The following PSMC6 variants were observed in gnomAD, a reference collection of about 807,000 sequenced individuals.
The protein encoded by PSMC6 is proteasome 26S subunit, ATPase 6.
A neutral mutation model predicts 55.9 loss-of-function variants in PSMC6; 3 were observed. The observed-to-expected ratio is 0.05, with a 90% CI of 0.02 to 0.14. The LOEUF (loss-of-function observed/expected upper bound fraction) is 0.14, where lower values mean the gene tolerates loss of function less well. PSMC6 is among the 10% of genes least tolerant of loss of function. PSMC6 has a pLI of 1.00. For synonymous variants in PSMC6, 137 were observed against 155.9 expected, an observed-to-expected ratio of 0.88 and a Z score of 0.90; for missense variants, 210 against 478.7, an observed-to-expected ratio of 0.44 and a Z score of 5.24.
At chr14:52,712,660 TTGC>T (rs549496974) in intron 6 of PSMC6, among the ~76,000 whole-genome samples, 1 of 152,206 alleles carries the variant, frequency 6.6e-6, no homozygotes, top group South Asian at 2.1e-4. Flanking sequence ...TCTGGTTCTT[TTGC>T]CCAGGCTGGA....
chr14:52,727,408 C>A, intron 13 of PSMC6, 91 bp from the exon 14 acceptor site: 1 of 850,948 alleles, frequency 1.2e-6, no homozygotes, highest in Admixed American at 2.8e-5. Context: ...CTAAGCTTCA[C>A]ATTTATTCCA....
At chr14:52,714,118 G>A (rs999376018) in intron 7 of PSMC6, 150 bp downstream of exon 7, 11 of 469,062 alleles carry the variant, frequency 2.3e-5, no homozygotes, top group Non-Finnish European at 3.7e-5. Flanking sequence ...TGGGCTAACT[G>A]CAACCTCTGC....
chr14:52,711,560 A>G (rs770336588), intron 6 of PSMC6, 36 bp downstream of exon 6: 2 of 1,367,028 alleles, frequency 1.5e-6, no homozygotes, highest in African/African-American at 1.5e-5. Flanking sequence ...GAACTTAGCT[A>G]ATAAATACTA....
In PSMC6 at chr14:52,713,788, A is replaced by G. The variant is rs2041800561; in HGVS notation, c.442-93A>G. The G allele has an allele frequency of 5.2e-6, 4 of 762,862 alleles. No individual in the cohort carries two copies. The East Asian group carries it at 7.7e-5, about 15-fold the overall frequency. The allele number at this position is 762,862 out of a possible 1,614,324, so 47.3% of individuals were successfully genotyped here. On this transcript the variant is annotated intron_variant, in intron 6 of 13. Coordinates refer to ENST00000445930, the MANE Select transcript of PSMC6 (RefSeq NM_002806.5). ...AGGTCTATTAAGAATTATGATGTGT[A>G]CACCTAACTAAGGTGATATTTGACT... is the stretch of plus-strand genomic sequence containing the variant.
chr14:52,722,514 G>C (rs1225462515), intron 12 of PSMC6: 1 of 152,070 alleles, frequency 6.6e-6, no homozygotes, highest in Non-Finnish European at 1.5e-5. Flanking sequence ...GTACATAGAT[G>C]CTTATGATGA....
intron 13 of PSMC6, among the ~76,000 whole-genome samples, chr14:52,726,821 T>G (rs997144300): frequency 6.6e-6 from 1 of 151,908 alleles, no homozygotes; most frequent in Non-Finnish European, 1.5e-5. Context: ...TTTGTGTTTT[T>G]AGTAGAAACG....
At chr14:52,710,338 A>C (rs1340747494) in intron 4 of PSMC6, 1 of 152,416 alleles carries the variant, frequency 6.6e-6, no homozygotes. Flanking sequence ...CTGAGGCAGG[A>C]GAATTGCCTA....
intron 10 of PSMC6, among the ~76,000 whole-genome samples, chr14:52,720,239 A>G (rs1252474694): frequency 1.3e-5 from 2 of 148,886 alleles, no homozygotes; most frequent in Non-Finnish European, 3.0e-5. Context: ...AAAAAAAAAA[A>G]AAAAAGCAGT....
chr14:52,726,894 G>A (rs993586836), intron 13 of PSMC6, among the ~76,000 whole-genome samples: 9 of 152,056 alleles, frequency 5.9e-5, no homozygotes, highest in African/African-American at 9.7e-5. Context: ...CGTCCACCTT[G>A]GCCTCCCAAA....
intron 6 of PSMC6, among the ~76,000 whole-genome samples, chr14:52,712,749 A>G (rs2041787803): frequency 6.6e-6 from 1 of 151,936 alleles, no homozygotes; most frequent in Non-Finnish European, 1.5e-5. Flanking sequence ...CACCCTCCCA[A>G]GTAGCTGAAG....
At chr14:52,721,536 C>T (rs947956491) in intron 12 of PSMC6, 1 of 170,842 alleles carries the variant, frequency 5.9e-6, no homozygotes, top group Non-Finnish European at 1.2e-5. Context: ...CATGGTGGCT[C>T]ACTCCTGTAA....
intron 10 of PSMC6, 51 bp downstream of exon 10, chr14:52,719,089 A>G (rs764426107): frequency 2.9e-6 from 4 of 1,396,790 alleles, no homozygotes; most frequent in Non-Finnish European, 4.0e-6. Flanking sequence ...TATTAAATGA[A>G]GAACTGAACA....
At chr14:52,718,461 A>G in intron 9 of PSMC6, 109 bp downstream of exon 9, 1 of 1,194,730 alleles carries the variant, frequency 8.4e-7, no homozygotes, top group Non-Finnish European at 1.2e-6. Flanking sequence ...AGATACCACA[A>G]TGAATCAGAT....
Position 52,708,961 on chromosome 14 carries a change from C to A in PSMC6, c.258+145C>A, listed in dbSNP as rs919086509. 7 of 1,200,094 alleles carry A rather than the reference C, an allele frequency of 5.8e-6. No individual in the cohort carries two copies. The East Asian group carries it at 1.4e-4, about 23-fold the overall frequency. 74.3% of individuals were successfully genotyped at this position (1,200,094 alleles called of 1,614,324 possible). ...TTGTTCAGACATAGCTAGTTATTAACAAAGCCTGAATTCAAACCATGGGCT... is the reference window on the plus strand; with the variant it reads ...TTGTTCAGACATAGCTAGTTATTAAAAAAGCCTGAATTCAAACCATGGGCT... On this transcript the variant is annotated intron_variant, in intron 4 of 13. Transcript: ENST00000445930.
intron 2 of PSMC6, 39 bp from the exon 3 acceptor site, chr14:52,708,444 C>G (rs767478489): frequency 3.5e-5 from 57 of 1,613,158 alleles, no homozygotes; most frequent in Non-Finnish European, 4.6e-5. Context: ...TTTTATTTAG[C>G]TGTTGCCAAA....
chr14:52,710,971 T>G, intron 4 of PSMC6, 130 bp from the exon 5 acceptor site: 1 of 827,462 alleles, frequency 1.2e-6, no homozygotes, highest in South Asian at 1.5e-5. Context: ...TAGCATAGAG[T>G]TTATAATCTG....
intron 4 of PSMC6, chr14:52,710,894 A>G: frequency 1.7e-6 from 1 of 573,608 alleles, no homozygotes; most frequent in South Asian, 2.0e-5. Flanking sequence ...GAGATTACAC[A>G]AAGGGGCATG....
At chr14:52,711,004 G>C in intron 4 of PSMC6, 97 bp from the exon 5 acceptor site, 1 of 807,692 alleles carries the variant, frequency 1.2e-6, no homozygotes, top group Non-Finnish European at 2.1e-6. Context: ...TCTCTGGAGG[G>C]TAAAAATGAG....
chr14:52,727,172 C>T (rs2139861980), intron 13 of PSMC6, among the ~76,000 whole-genome samples: 1 of 151,650 alleles, frequency 6.6e-6, no homozygotes, highest in African/African-American at 2.4e-5. Flanking sequence ...AGGCGCGCGC[C>T]ACCATGCCCA....
Sources: allele counts gnomAD v4.1 joint callset (sites outside exome capture counted in the v4.1 genomes callset), GRCh38; gene constraint gnomAD v4.1.1; transcripts MANE v1.5; gene names NCBI Gene and HGNC (gene_info 2026-07-23, HGNC 2026-07-21).